ANO3: variants seen among roughly 807,000 people sequenced by gnomAD.
The protein encoded by ANO3 is anoctamin 3, also known as anoctamin-3.
A neutral mutation model predicts 144.8 loss-of-function variants in ANO3; 99 were observed. That is an observed-to-expected ratio of 0.68 (90% CI 0.58 to 0.81). The LOEUF is 0.81. Ranked by LOEUF, ANO3 falls within the 30% of genes least tolerant of loss-of-function variation. The probability of loss-of-function intolerance (pLI) is 0.00; values close to 1 mark genes in which losing one functional copy is unlikely to be tolerated. For missense variants in ANO3, 905 were observed against 1,202.2 expected, an observed-to-expected ratio of 0.75 and a Z score of 3.66; for synonymous variants, 414 against 392.6, an observed-to-expected ratio of 1.05 and a Z score of -0.64.
chr11:26,300,736 G>A (rs11821986), intron 1 of ANO3, among the ~76,000 whole-genome samples: 18,463 of 152,030 alleles, frequency 0.12, 2,724 homozygotes, highest in African/African-American at 0.35. Context: ...TATATATTCA[G>A]TAACTCAGTT....
intron 1 of ANO3, among the ~76,000 whole-genome samples, chr11:26,218,435 A>G (rs1852076796): frequency 6.6e-6 from 1 of 152,106 alleles, no homozygotes; most frequent in Admixed American, 6.6e-5. Context: ...TTGGACCAAT[A>G]ACATTTTAAT....
At chr11:26,266,486 T>G (rs2133831854) in intron 1 of ANO3, among the ~76,000 whole-genome samples, 1 of 148,454 alleles carries the variant, frequency 6.7e-6, no homozygotes, top group Non-Finnish European at 1.5e-5. Flanking sequence ...CAGGCTGGAG[T>G]GCAGTGGCGC....
At chr11:26,401,023 A>T (rs1330958682) in intron 1 of ANO3, among the ~76,000 whole-genome samples, 1 of 152,034 alleles carries the variant, frequency 6.6e-6, no homozygotes, top group Non-Finnish European at 1.5e-5. Flanking sequence ...ATACGTTTCT[A>T]TGGCTAAAAA....
intron 4 of ANO3, among the ~76,000 whole-genome samples, chr11:26,486,857 CA>C (rs1314793780): frequency 6.6e-6 from 1 of 152,144 alleles, no homozygotes; most frequent in Non-Finnish European, 1.5e-5. Flanking sequence ...GGTACTGGGT[CA>C]AAGCAGGCTG....
intron 1 of ANO3, among the ~76,000 whole-genome samples, chr11:26,243,771 G>A (rs531707695): frequency 1.3e-5 from 2 of 152,126 alleles, no homozygotes; most frequent in African/African-American, 4.8e-5. Context: ...CAAATATCTG[G>A]CCACATTCCA....
intron 1 of ANO3, among the ~76,000 whole-genome samples, chr11:26,432,811 G>A (rs768792759): frequency 6.6e-6 from 1 of 152,178 alleles, no homozygotes; most frequent in Non-Finnish European, 1.5e-5. Context: ...TAGTCCTGTA[G>A]TATAGTTTGA....
chr11:26,221,797 A>T (rs1432073740), intron 1 of ANO3, among the ~76,000 whole-genome samples: 1 of 152,050 alleles, frequency 6.6e-6, no homozygotes, highest in African/African-American at 2.4e-5. Context: ...AAACAATCAG[A>T]TCTCACATGA....
chr11:26,422,332 A>G (rs1428116247), intron 1 of ANO3, among the ~76,000 whole-genome samples: 1 of 152,024 alleles, frequency 6.6e-6, no homozygotes, highest in African/African-American at 2.4e-5. Flanking sequence ...CAGAAAGCCC[A>G]TTGAATTAAA....
intron 5 of ANO3, among the ~76,000 whole-genome samples, chr11:26,514,788 C>G (rs1169279595): frequency 6.6e-6 from 1 of 151,934 alleles, no homozygotes; most frequent in Non-Finnish European, 1.5e-5. Flanking sequence ...TTTCACTTGC[C>G]CTGGATGAAG....
intron 1 of ANO3, among the ~76,000 whole-genome samples, chr11:26,395,392 A>T (rs1347510017): frequency 6.6e-6 from 1 of 152,106 alleles, no homozygotes; most frequent in Non-Finnish European, 1.5e-5. Context: ...CACAATATTG[A>T]TTCTTCCTCT....
In ANO3 at chr11:26,422,581, T is replaced by A. The variant is rs567712304; in HGVS notation, c.47-19337T>A. Among the ~76,000 whole-genome samples, 47 of 152,122 alleles carry A rather than the reference T, an allele frequency of 3.1e-4. No homozygotes were observed. In the South Asian group the frequency reaches 9.7e-3, roughly 32 times the overall value. On this transcript the variant is annotated intron_variant, in intron 1 of 26. Transcript: ENST00000256737. Reference sequence around the variant, plus strand: ...TGTTCTGCATGTAAGAAAGGACACATTTCCTATGGGTTTACAGGTTATTCT... The same window carrying A: ...TGTTCTGCATGTAAGAAAGGACACAATTCCTATGGGTTTACAGGTTATTCT...
chr11:26,521,140 T>TA (rs1324735901), intron 6 of ANO3, among the ~76,000 whole-genome samples: 1 of 152,162 alleles, frequency 6.6e-6, no homozygotes, highest in African/African-American at 2.4e-5. Flanking sequence ...AAGCATAAAC[T>TA]AAGTGGCAAA....
chr11:26,509,643 A>C (rs1446335001), intron 5 of ANO3, among the ~76,000 whole-genome samples: 1 of 152,162 alleles, frequency 6.6e-6, no homozygotes, highest in African/African-American at 2.4e-5. Context: ...GTTTTGTAAA[A>C]AATAGGAGCA....
intron 23 of ANO3, among the ~76,000 whole-genome samples, chr11:26,647,140 A>G (rs925772168): frequency 6.6e-6 from 1 of 152,156 alleles, no homozygotes; most frequent in Non-Finnish European, 1.5e-5. Context: ...TACTAGTTCT[A>G]TATACTATAC....
intron 1 of ANO3, among the ~76,000 whole-genome samples, chr11:26,293,543 A>G (rs1421430923): frequency 1.7e-5 from 2 of 118,516 alleles, no homozygotes; most frequent in Admixed American, 8.1e-5. Flanking sequence ...GTATATATAT[A>G]TATATATATA....
intron 1 of ANO3, among the ~76,000 whole-genome samples, chr11:26,208,911 A>G (rs1851873361): frequency 6.6e-6 from 1 of 152,206 alleles, no homozygotes; most frequent in African/African-American, 2.4e-5. Flanking sequence ...GTAAGATGTA[A>G]CTGTGTGGGA....
intron 14 of ANO3, among the ~76,000 whole-genome samples, chr11:26,590,748 G>A (rs1256604424): frequency 6.6e-6 from 1 of 152,230 alleles, no homozygotes; most frequent in East Asian, 1.9e-4. Flanking sequence ...CGCCTCGCTG[G>A]ATCAGGAGCA....
At chr11:26,423,138 C>G (rs1857802442) in intron 1 of ANO3, among the ~76,000 whole-genome samples, 1 of 151,672 alleles carries the variant, frequency 6.6e-6, no homozygotes, top group Non-Finnish European at 1.5e-5. Flanking sequence ...TTCTTATGTG[C>G]CTAATCCTAT....
chr11:26,387,472 A>G (rs917627083), intron 1 of ANO3, among the ~76,000 whole-genome samples: 3 of 150,148 alleles, frequency 2.0e-5, no homozygotes, highest in African/African-American at 7.5e-5. Context: ...TTACATTTTA[A>G]TGATTCTATT....
Sources: allele counts gnomAD v4.1 joint callset (sites outside exome capture counted in the v4.1 genomes callset), GRCh38; gene constraint gnomAD v4.1.1; transcripts MANE v1.5; gene names NCBI Gene and HGNC (gene_info 2026-07-23, HGNC 2026-07-21).